SPATC1: variants seen among roughly 807,000 people sequenced by gnomAD.
SPATC1 encodes the protein spermatogenesis and centriole associated 1, also known as speriolin.
A neutral mutation model predicts 36.5 loss-of-function variants in SPATC1; 35 were observed. That is an observed-to-expected ratio of 0.96 (90% CI 0.73 to 1.27). SPATC1 has a LOEUF of 1.27. SPATC1 is among the 50% of genes most tolerant of loss of function. The pLI is 0.00. For synonymous variants in SPATC1, 361 were observed against 353.6 expected (o/e 1.02, Z -0.24); for missense variants, 779 against 796.0 (o/e 0.98, Z 0.26).
intron 1 of SPATC1, among the ~76,000 whole-genome samples, chr8:144,018,877 C>CAAAAAAAA (rs1165770098): frequency 2.1e-5 from 2 of 96,646 alleles, no homozygotes; most frequent in Non-Finnish European, 3.9e-5. Context: ...ACTAAAAATA[C>CAAAAAAAA]AAAAAAAAAA....
intron 1 of SPATC1, among the ~76,000 whole-genome samples, chr8:144,014,678 C>A (rs1217460941): frequency 6.6e-6 from 1 of 152,052 alleles, no homozygotes; most frequent in Non-Finnish European, 1.5e-5. Flanking sequence ...GGAGGTGAGC[C>A]CAGCCAACTG....
chr8:144,027,007 G>GTTTTTTTTTT (rs1375778377), intron 1 of SPATC1, among the ~76,000 whole-genome samples: 1 of 133,748 alleles, frequency 7.5e-6, no homozygotes, highest in Non-Finnish European at 1.6e-5. Flanking sequence ...TTTTTTTTTG[G>GTTTTTTTTTT]ATTTTTAGTA....
chr8:144,041,467 C>G (rs1343617863), intron 4 of SPATC1, 96 bp downstream of exon 4: 1 of 1,474,996 alleles, frequency 6.8e-7, no homozygotes, highest in Non-Finnish European at 9.1e-7. Context: ...TTGCCAGGAC[C>G]TGAGGAGTCC....
In SPATC1 at chr8:144,046,699, G is replaced by C. The variant is rs139671299; in HGVS notation, c.1519G>C (p.Val507Leu). The C allele has an allele frequency of 6.2e-7, 1 of 1,612,588 alleles. No homozygotes were observed. Among genetic ancestry groups the C allele is most frequent in the East Asian group, 2.2e-5 (1 of 44,874 alleles). Reference protein sequence around the residue: ...CQRLTQRYVSVMNRLQSLGYN... With the variant: ...CQRLTQRYVSLMNRLQSLGYN... ...GAGGCTCACACAGCGCTATGTGAGC[G>C]TCATGAACAGGCTGCAGAGTCTGGG... Residue 507 changes from valine (V) to leucine (L), a missense_variant, in exon 5 of 5, where the codon GTC becomes CTC. Physicochemically the swap from Val to Leu is conservative, Grantham distance 32. Coordinates refer to ENST00000377470, the MANE Select transcript of SPATC1 (RefSeq NM_198572.3). This position sits in a 1 kb window ranked among gnomAD's most constrained non-coding sequence, Gnocchi z 6.6.
chr8:144,033,937 G>C (rs1460737540), intron 1 of SPATC1, among the ~76,000 whole-genome samples: 1 of 152,224 alleles, frequency 6.6e-6, no homozygotes, highest in Non-Finnish European at 1.5e-5. Context: ...ATCCTGATGG[G>C]GAGATAGTCC....
At chr8:144,023,684 G>T (rs1834602565) in intron 1 of SPATC1, among the ~76,000 whole-genome samples, 44 of 248 alleles carry the variant, frequency 0.18, 21 homozygotes, top group African/African-American at 0.25. Context: ...ACTCCCCTCA[G>T]GACCCCCCTT....
Position 144,046,583 on chromosome 8 carries a change from G to A in SPATC1, c.1447-44G>A. The stretch of plus-strand genomic sequence containing the variant: ...TCTTCCCCTTACCTGCCTGTGTGTG[G>A]AGGTGTGGCAAGGGAGGGTCCCTGA... On this transcript the variant is annotated intron_variant, in intron 4 of 4. Transcript: ENST00000377470. This position sits in a 1 kb window ranked among gnomAD's most constrained non-coding sequence, Gnocchi z 6.6. 4 of 1,551,122 alleles carry A rather than the reference G, an allele frequency of 2.6e-6. No homozygotes were observed. Among genetic ancestry groups the A allele is most frequent in the Non-Finnish European group, 3.5e-6 (4 of 1,143,406 alleles).
rs782231141 is a variant in SPATC1 at position 144,012,739 on chromosome 8, G to A, written c.211+13G>A. The A allele has an allele frequency of 3.4e-5, 52 of 1,551,188 alleles. No individual in the cohort carries two copies. The highest frequency in any genetic ancestry group is 3.9e-5 in the Non-Finnish European group (45 of 1,146,548). The stretch of plus-strand genomic sequence containing the variant: ...CGCCAGAACAATGGTAAGAGGCCTC[G>A]CTCCCAAGAGAGTGAGGAGGGAAGT... On this transcript the variant is annotated intron_variant, in intron 1 of 4. Coordinates refer to ENST00000377470, the MANE Select transcript of SPATC1 (RefSeq NM_198572.3).
intron 1 of SPATC1, among the ~76,000 whole-genome samples, chr8:144,020,274 C>T (rs1335537790): frequency 6.6e-6 from 1 of 150,610 alleles, no homozygotes; most frequent in African/African-American, 2.4e-5. Context: ...CGCTGAAGAA[C>T]CTCTCGCCTC....
In SPATC1 at chr8:144,016,095, A is replaced by G. The variant is rs1185817391; in HGVS notation, c.211+3369A>G. On this transcript the variant is annotated intron_variant, in intron 1 of 4. Transcript: ENST00000377470. The surrounding 1 kb of genome is among the most constrained non-coding windows in gnomAD (Gnocchi z 4.5). ...AAAAAAAAAGAAAAAAGAAAGAAAG[A>G]AAGAAAAGAAATTAGCTGGGCATGG... 1.3e-5 allele frequency among the ~76,000 whole-genome samples: 2 copies of G among 150,106 alleles called. No individual in the cohort carries two copies. The highest frequency in any genetic ancestry group is 4.9e-5 in the African/African-American group (2 of 40,718).
intron 1 of SPATC1, among the ~76,000 whole-genome samples, chr8:144,030,620 A>C (rs1471886420): frequency 6.6e-6 from 1 of 151,998 alleles, no homozygotes; most frequent in Non-Finnish European, 1.5e-5. Context: ...CAGCCTCCCA[A>C]AGTGCTGTGA....
chr8:144,013,070 C>G (rs1834312665), intron 1 of SPATC1, among the ~76,000 whole-genome samples: 1 of 152,134 alleles, frequency 6.6e-6, no homozygotes. Context: ...GACACCTCTG[C>G]TCTTTCTGGT....
intron 1 of SPATC1, among the ~76,000 whole-genome samples, chr8:144,027,054 G>A (rs1466313834): frequency 7.1e-5 from 10 of 140,020 alleles, no homozygotes; most frequent in African/African-American, 2.2e-4. Flanking sequence ...GGATGGTCTC[G>A]ATCTCCTGGC....
chr8:144,045,193 C>T lies in SPATC1; in HGVS notation c.1447-1434C>T, dbSNP rs1321900745. On this transcript the variant is annotated intron_variant, in intron 4 of 4. Coordinates refer to ENST00000377470, the MANE Select transcript of SPATC1 (RefSeq NM_198572.3). The surrounding 1 kb of genome is among the most constrained non-coding windows in gnomAD (Gnocchi z 5.2). ...GGCTGTCCACGGGCCCTCACTCTTG[C>T]GCTGAACCTCAATGGTGTCTTCCTG... Among the ~76,000 whole-genome samples, 2 of 152,220 alleles carry T rather than the reference C, an allele frequency of 1.3e-5. No homozygotes were observed. Among genetic ancestry groups the T allele is most frequent in the East Asian group, 1.9e-4 (1 of 5,196 alleles).
At chr8:144,017,512 T>C (rs1242935505) in intron 1 of SPATC1, among the ~76,000 whole-genome samples, 1 of 152,026 alleles carries the variant, frequency 6.6e-6, no homozygotes, top group African/African-American at 2.4e-5. Flanking sequence ...TGGTGGGCTG[T>C]GGATGTTTAT....
chr8:144,019,203 A>AGGGCAGGCATGGGGGAGGC (rs1398663875), intron 1 of SPATC1, among the ~76,000 whole-genome samples: 4 of 152,212 alleles, frequency 2.6e-5, no homozygotes, highest in African/African-American at 4.8e-5. Flanking sequence ...TGGCAGCCTG[A>AGGGCAGGCATGGGGGAGGC]GGGCAGGCAT....
intron 1 of SPATC1, among the ~76,000 whole-genome samples, chr8:144,025,015 T>C (rs1834647476): frequency 8.1e-6 from 1 of 123,818 alleles, no homozygotes; most frequent in Non-Finnish European, 1.7e-5. Flanking sequence ...GACCCTCTCC[T>C]CTCAGGACCA....
At chr8:144,044,092 G>A (rs542932884) in intron 4 of SPATC1, among the ~76,000 whole-genome samples, 20 of 152,166 alleles carry the variant, frequency 1.3e-4, no homozygotes, top group Non-Finnish European at 2.9e-4. Context: ...CTAGTATCGA[G>A]CCAGGTGTAC....
intron 1 of SPATC1, among the ~76,000 whole-genome samples, chr8:144,017,650 G>T (rs1003210652): frequency 1.3e-5 from 2 of 152,284 alleles, no homozygotes; most frequent in African/African-American, 2.4e-5. Context: ...ACTAGTACAA[G>T]AATTTCAAAT....
Sources: allele counts gnomAD v4.1 joint callset (sites outside exome capture counted in the v4.1 genomes callset), GRCh38; gene constraint gnomAD v4.1.1; non-coding constraint Gnocchi (gnomAD v3.1); transcripts MANE v1.5; gene names NCBI Gene and HGNC (gene_info 2026-07-23, HGNC 2026-07-21).